DRC9: variants seen among roughly 807,000 people sequenced by gnomAD.
DRC9 encodes the protein dynein regulatory complex subunit 9.
At chr3:197,954,163 A>T in the DRC9 span, 2 of 1,613,914 alleles carry the variant, frequency 1.2e-6, no homozygotes, top group Non-Finnish European at 1.7e-6. Context: ...TATGGTTTTT[A>T]GCAAAATGGA....
chr3:197,894,743 A>C, the DRC9 span: 477 of 152,282 alleles, frequency 3.1e-3, 5 homozygotes, highest in African/African-American at 0.011. Flanking sequence ...ATAGCATAGA[A>C]TTTTTTAAAA....
At chr3:197,957,960 A>C in the DRC9 span, 936 of 152,386 alleles carry the variant, frequency 6.1e-3, 1 homozygote, top group Middle Eastern at 0.034. Flanking sequence ...TGGAAAGTCC[A>C]GAAAACTAAA....
the DRC9 span, chr3:197,951,130 T>C: frequency 6.2e-7 from 1 of 1,613,916 alleles, no homozygotes; most frequent in South Asian, 1.1e-5. Context: ...GAAGCTTATG[T>C]TTCATGTTGT....
chr3:197,958,141 C>T, the DRC9 span: 8 of 152,182 alleles, frequency 5.3e-5, no homozygotes, highest in African/African-American at 1.7e-4. Flanking sequence ...GATCATAGCT[C>T]ACTGCACCTT....
chr3:197,953,464 G>A, the DRC9 span: 3 of 456,788 alleles, frequency 6.6e-6, 1 homozygote, highest in Middle Eastern at 3.3e-4. Flanking sequence ...GTCATTAAGA[G>A]CTCCATAATT....
chr3:197,902,514 CAG>C, the DRC9 span, among the ~76,000 whole-genome samples: 16 of 151,888 alleles, frequency 1.1e-4, no homozygotes, highest in African/African-American at 3.6e-4. Context: ...ATAAACTTAA[CAG>C]AGATTGAAAT....
At chr3:197,937,469 CTT>C in the DRC9 span, among the ~76,000 whole-genome samples, 3 of 145,598 alleles carry the variant, frequency 2.1e-5, no homozygotes, top group Admixed American at 1.4e-4. Context: ...TTTCTTTTCT[CTT>C]TTTTTTTTTT....
chr3:197,901,485 A>G, the DRC9 span, among the ~76,000 whole-genome samples: 2 of 152,198 alleles, frequency 1.3e-5, no homozygotes, highest in Non-Finnish European at 2.9e-5. The surrounding 1 kb of genome is among the most constrained non-coding windows in gnomAD (Gnocchi z 4.4). Context: ...TCTGGGCAAG[A>G]GGGTAGCCCA....
the DRC9 span, chr3:197,956,578 G>T: frequency 6.6e-6 from 1 of 151,250 alleles, no homozygotes; most frequent in South Asian, 2.1e-4. Flanking sequence ...AGATTTCTTG[G>T]GGATATGCTA....
At chr3:197,912,606 T>C in the DRC9 span, 1 of 1,079,808 alleles carries the variant, frequency 9.3e-7, no homozygotes, top group Non-Finnish European at 1.4e-6. Context: ...CAAAATATTC[T>C]TTTTGTTTCC....
the DRC9 span, among the ~76,000 whole-genome samples, chr3:197,905,743 A>G: frequency 2.1e-5 from 3 of 144,268 alleles, no homozygotes; most frequent in Non-Finnish European, 4.5e-5. Flanking sequence ...ATCTCAGAAG[A>G]AAAAAAAAAG....
chr3:197,931,827 G>A, the DRC9 span, among the ~76,000 whole-genome samples: 14 of 151,852 alleles, frequency 9.2e-5, no homozygotes, highest in Non-Finnish European at 1.3e-4. Context: ...GGGTTTCACC[G>A]TGTTAGCCAG....
the DRC9 span, among the ~76,000 whole-genome samples, chr3:197,901,348 G>C: frequency 7.2e-5 from 11 of 152,206 alleles, no homozygotes; most frequent in Non-Finnish European, 1.2e-4. This position sits in a 1 kb window ranked among gnomAD's most constrained non-coding sequence, Gnocchi z 4.4. Flanking sequence ...ATGTTAGCCA[G>C]GTTGGTCTCA....
the DRC9 span, among the ~76,000 whole-genome samples, chr3:197,905,410 G>T: frequency 6.6e-6 from 1 of 152,000 alleles, no homozygotes; most frequent in South Asian, 2.1e-4. Flanking sequence ...GTTTAAAATA[G>T]AAACAATTTT....
At chr3:197,912,581 T>C in the DRC9 span, 4 of 866,638 alleles carry the variant, frequency 4.6e-6, no homozygotes, top group Non-Finnish European at 7.6e-6. Context: ...GAAAGAATGA[T>C]GGTTGGTTTT....
At chr3:197,957,486 CTT>C in the DRC9 span, 2 of 130,736 alleles carry the variant, frequency 1.5e-5, no homozygotes, top group Non-Finnish European at 3.1e-5. Flanking sequence ...TTGAGACAGT[CTT>C]GCTCTGTCGT....
chr3:197,942,217 T>C, the DRC9 span, among the ~76,000 whole-genome samples: 1 of 151,952 alleles, frequency 6.6e-6, no homozygotes, highest in Non-Finnish European at 1.5e-5. Context: ...TCCATTGTTT[T>C]GTAAAATCTT....
the DRC9 span, chr3:197,925,956 G>A: frequency 1.2e-6 from 1 of 836,602 alleles, no homozygotes; most frequent in Non-Finnish European, 2.1e-6. Flanking sequence ...GCTTGAGAAA[G>A]ATGGCTTCCA....
chr3:197,913,325 T>TGTGC, the DRC9 span: 24,681 of 190,388 alleles, frequency 0.13, 2,086 homozygotes, highest in African/African-American at 0.27. Context: ...GCTTTGCGTG[T>TGTGC]GTGCGTGCGT....
Sources: gnomAD v4.1 joint callset for allele counts (sites outside exome capture counted in the v4.1 genomes callset) on GRCh38, gnomAD v4.1.1 for gene constraint, Gnocchi (gnomAD v3.1) non-coding constraint, MANE v1.5 for transcripts, NCBI Gene and HGNC (gene_info 2026-07-23, HGNC 2026-07-21) for gene names.